The following BABAM2 variants were observed in gnomAD, a reference collection of about 807,000 sequenced individuals.
BABAM2 encodes BRISC and BRCA1 A complex member 2, also known as BRISC and BRCA1-A complex member 2.
Under a neutral mutation model 54.7 loss-of-function variants are expected in BABAM2, and 31 were observed. The observed-to-expected ratio is 0.57, with a 90% CI of 0.43 to 0.77. The LOEUF is 0.77. Among genes scored for constraint, BABAM2 ranks in the 30% least tolerant of loss-of-function variants. The pLI, the probability that BABAM2 is intolerant of heterozygous loss-of-function variation, is 0.00. For missense variants in BABAM2, 364 were observed against 455.8 expected (o/e 0.80, Z 1.83); for synonymous variants, 167 against 162.9 (o/e 1.03, Z -0.19).
intron 10 of BABAM2, among the ~76,000 whole-genome samples, chr2:28,288,883 A>G (rs956403180): frequency 6.6e-6 from 1 of 151,658 alleles, no homozygotes; most frequent in Admixed American, 6.6e-5. Flanking sequence ...TGACCTTGCC[A>G]GGTCTCCTTT....
At chr2:27,888,910 A>G (rs1664622854), upstream of BABAM2, among the ~76,000 whole-genome samples, 1 of 152,262 alleles carries the variant, frequency 6.6e-6, no homozygotes, top group South Asian at 2.1e-4. Flanking sequence ...CCTCTTCAAC[A>G]AATGTCTCCA....
At chr2:28,265,205 G>A (rs563185142) in intron 10 of BABAM2, among the ~76,000 whole-genome samples, 1 of 152,278 alleles carries the variant, frequency 6.6e-6, no homozygotes, top group East Asian at 1.9e-4. Flanking sequence ...GGGAGGCCGA[G>A]GCGGAGGATC....
At chr2:28,025,619 G>A in intron 5 of BABAM2, 199 bp downstream of exon 5, 1 of 508,756 alleles carries the variant, frequency 2.0e-6, no homozygotes, top group Non-Finnish European at 3.2e-6. Flanking sequence ...TACCTGGGAA[G>A]TTTGTAAGAT....
chr2:27,943,574 C>T (rs1218858217), intron 3 of BABAM2, among the ~76,000 whole-genome samples: 1 of 152,178 alleles, frequency 6.6e-6, no homozygotes, highest in Admixed American at 6.5e-5. Flanking sequence ...TTAGGAGGCT[C>T]CCTAGACCAG....
intron 10 of BABAM2, among the ~76,000 whole-genome samples, chr2:28,292,680 GC>G (rs1309071006): frequency 2.6e-5 from 4 of 152,120 alleles, no homozygotes; most frequent in African/African-American, 9.7e-5. Flanking sequence ...CAGCTCTAAG[GC>G]AAGAATGAGA....
chr2:28,334,564 T>A (rs1408077649), intron 11 of BABAM2, among the ~76,000 whole-genome samples: 1 of 152,192 alleles, frequency 6.6e-6, no homozygotes. Flanking sequence ...TGGGCCAGAC[T>A]CCACAGTGCA....
intron 6 of BABAM2, among the ~76,000 whole-genome samples, chr2:28,050,371 C>T (rs1216563802): frequency 6.6e-6 from 1 of 152,180 alleles, no homozygotes; most frequent in Non-Finnish European, 1.5e-5. Flanking sequence ...GGCTTTTCTT[C>T]ACTTTCCTTG....
chr2:28,197,853 G>T (rs1258341041), intron 7 of BABAM2, among the ~76,000 whole-genome samples: 1 of 152,214 alleles, frequency 6.6e-6, no homozygotes, highest in Non-Finnish European at 1.5e-5. Context: ...ATCCAGAAGA[G>T]TAGGTCAGCA....
intron 5 of BABAM2, among the ~76,000 whole-genome samples, chr2:28,026,862 A>C (rs13409915): frequency 1.2e-5 from 1 of 81,842 alleles, no homozygotes; most frequent in South Asian, 3.0e-4. Flanking sequence ...TTATATATAT[A>C]GATATATATA....
intron 11 of BABAM2, among the ~76,000 whole-genome samples, chr2:28,334,688 A>G (rs1691265607): frequency 6.6e-6 from 1 of 152,356 alleles, no homozygotes; most frequent in Middle Eastern, 3.4e-3. Context: ...TGCTGGGGAA[A>G]TAGCAGCAGG....
intron 10 of BABAM2, among the ~76,000 whole-genome samples, chr2:28,273,503 G>A (rs568946921): frequency 6.6e-6 from 1 of 152,182 alleles, no homozygotes; most frequent in Non-Finnish European, 1.5e-5. Flanking sequence ...AGGATCACTT[G>A]AGGTCAGGAG....
chr2:28,197,851 G>C (rs2147942990), intron 7 of BABAM2, among the ~76,000 whole-genome samples: 1 of 152,332 alleles, frequency 6.6e-6, no homozygotes, highest in Non-Finnish European at 1.5e-5. Flanking sequence ...AGATCCAGAA[G>C]AGTAGGTCAG....
rs1015877968 is a variant in BABAM2 at position 27,927,310 on chromosome 2, C to T, written c.129-2522C>T. On this transcript the variant is annotated intron_variant, in intron 2 of 11. Coordinates refer to ENST00000379624, the MANE Select transcript of BABAM2 (RefSeq NM_199191.3). ...CAAACTGGAATCAGGTTAATCCTGACGATTTCCTGTACTTCGAATAACTTC... is the reference window on the plus strand; with the variant it reads ...CAAACTGGAATCAGGTTAATCCTGATGATTTCCTGTACTTCGAATAACTTC... Among the ~76,000 whole-genome samples, 9 of 152,170 alleles carry T rather than the reference C, an allele frequency of 5.9e-5. No homozygotes were observed. In the East Asian group the frequency reaches 1.3e-3, roughly 23 times the overall value.
chr2:28,320,503 C>T (rs1191177157), intron 11 of BABAM2, among the ~76,000 whole-genome samples: 4 of 152,228 alleles, frequency 2.6e-5, no homozygotes, highest in Admixed American at 2.6e-4. Flanking sequence ...CAGGGCAGGA[C>T]GGGGGCCCAG....
At chr2:27,977,990 TAG>T (rs770520000) in intron 3 of BABAM2, among the ~76,000 whole-genome samples, 9 of 152,240 alleles carry the variant, frequency 5.9e-5, no homozygotes, top group Non-Finnish European at 1.2e-4. Flanking sequence ...CACTAAGGGT[TAG>T]AGCTAACTCT....
intron 3 of BABAM2, among the ~76,000 whole-genome samples, chr2:27,981,771 T>G (rs1338039458): frequency 6.6e-6 from 1 of 152,186 alleles, no homozygotes; most frequent in Admixed American, 6.5e-5. Context: ...TGACGGACAT[T>G]AGTTGTTTCC....
At chr2:28,106,639 C>T (rs780149270) in intron 6 of BABAM2, among the ~76,000 whole-genome samples, 1 of 152,158 alleles carries the variant, frequency 6.6e-6, no homozygotes, top group Non-Finnish European at 1.5e-5. Context: ...TCTCAAGTGG[C>T]AGAGGATATC....
chr2:27,890,405 A>C (rs1664720125), upstream of BABAM2: 2 of 1,511,396 alleles, frequency 1.3e-6, no homozygotes, highest in Non-Finnish European at 1.8e-6. The surrounding 1 kb of genome is among the most constrained non-coding windows in gnomAD (Gnocchi z 4.8). Context: ...CCGACCCCGT[A>C]ACCAGAGACG....
At chr2:28,213,278 T>A (rs1679636532) in intron 7 of BABAM2, among the ~76,000 whole-genome samples, 1 of 152,108 alleles carries the variant, frequency 6.6e-6, no homozygotes, top group Non-Finnish European at 1.5e-5. Context: ...GATGTCTATT[T>A]GGGGATCTGG....
Sources: gnomAD v4.1 joint callset for allele counts (sites outside exome capture counted in the v4.1 genomes callset) on GRCh38, gnomAD v4.1.1 for gene constraint, Gnocchi (gnomAD v3.1) non-coding constraint, MANE v1.5 for transcripts, NCBI Gene and HGNC (gene_info 2026-07-23, HGNC 2026-07-21) for gene names.